The following NCS1 variants were observed in gnomAD, a reference collection of about 807,000 sequenced individuals.
The protein encoded by NCS1 is frequenin homolog.
Under a neutral mutation model 28.4 loss-of-function variants are expected in NCS1, and 6 were observed. The observed-to-expected ratio is 0.21, with a 90% CI of 0.12 to 0.42. NCS1 has a LOEUF of 0.42. NCS1 is among the 10% of genes least tolerant of loss of function. NCS1 has a pLI of 1.00. For missense variants in NCS1, 131 were observed against 241.4 expected (o/e 0.54, Z 3.03); for synonymous variants, 86 against 99.3 (o/e 0.87, Z 0.79).
In NCS1 at chr9:130,178,417, C is replaced by T. The variant is rs191807469; in HGVS notation, c.64+5690C>T. On this transcript the variant is annotated intron_variant, in intron 1 of 7. Transcript: ENST00000372398. ...CTTCCCTACATCACCCCACAGAATTCTCCCATCACCCCGTGTCAGGGGAAA... is the reference window on the plus strand; with the variant it reads ...CTTCCCTACATCACCCCACAGAATTTTCCCATCACCCCGTGTCAGGGGAAA... Among the ~76,000 whole-genome samples, 434 of 152,362 alleles carry T rather than the reference C, an allele frequency of 2.8e-3. 3 individuals carry two copies. The highest frequency in any genetic ancestry group is 9.9e-3 in the African/African-American group (411 of 41,592).
rs1420555970 is a variant in NCS1 at position 130,192,290 on chromosome 9, C to T, written c.65-8668C>T. On this transcript the variant is annotated intron_variant, in intron 1 of 7. Coordinates refer to ENST00000372398, the MANE Select transcript of NCS1 (RefSeq NM_014286.4). The surrounding 1 kb of genome is among the most constrained non-coding windows in gnomAD (Gnocchi z 4.8). ...GTTACTCTGAGCTTGGAGGCAGTGC[C>T]GCCGAGCACTCCATTTTAGAGAAGA... Among the ~76,000 whole-genome samples, 5 of 152,152 alleles carry T rather than the reference C, an allele frequency of 3.3e-5. No individual in the cohort carries two copies. The highest frequency in any genetic ancestry group is 2.1e-4 in the South Asian group (1 of 4,828).
intron 2 of NCS1, among the ~76,000 whole-genome samples, chr9:130,202,805 C>T (rs1832971247): frequency 6.6e-6 from 1 of 151,962 alleles, no homozygotes; most frequent in Non-Finnish European, 1.5e-5. Context: ...GTCTCGAGCT[C>T]CTGACCTCAA....
intron 4 of NCS1, among the ~76,000 whole-genome samples, chr9:130,222,100 G>GTGTA (rs1564714039): frequency 1.6e-5 from 1 of 62,398 alleles, no homozygotes. Context: ...ATGTGTGTGT[G>GTGTA]TATATATATA....
In NCS1 at chr9:130,215,528, G is replaced by T. The variant is rs782164322; in HGVS notation, c.90-2304G>T. Among the ~76,000 whole-genome samples, 2 of 152,288 alleles carry T rather than the reference G, an allele frequency of 1.3e-5. No individual in the cohort carries two copies. The highest frequency in any genetic ancestry group is 1.9e-4 in the East Asian group (1 of 5,182). The stretch of plus-strand genomic sequence containing the variant: ...CACGGGAGGGACGGATGCTGGGGTC[G>T]CACACTGGCCGGCAGGGCAGAGGAC... On this transcript the variant is annotated intron_variant, in intron 2 of 7. Coordinates refer to ENST00000372398, the MANE Select transcript of NCS1 (RefSeq NM_014286.4). This position sits in a 1 kb window ranked among gnomAD's most constrained non-coding sequence, Gnocchi z 4.2.
In NCS1 at chr9:130,200,835, G is replaced by A. The variant is rs1257823001; in HGVS notation, c.65-123G>A. ...AGCATTTTCTCATCCAGAGCAGGCC[G>A]TTGCCCGGGGACATGGCCGTGGGGA... On this transcript the variant is annotated intron_variant, in intron 1 of 7. Transcript: ENST00000372398. 26 of 1,475,486 alleles carry A rather than the reference G, an allele frequency of 1.8e-5. 1 individual carries two copies. Among genetic ancestry groups the A allele is most frequent in the African/African-American group, 8.3e-5 (6 of 71,936 alleles). The allele number at this position is 1,475,486 out of a possible 1,614,324, so 91.4% of individuals were successfully genotyped here. A position where few individuals can be genotyped will look rare whatever the true frequency, so the allele number is the denominator to read the frequency against.
At chr9:130,223,278 G>A (rs1588125390) in intron 6 of NCS1, 119 bp downstream of exon 6, 1 of 865,242 alleles carries the variant, frequency 1.2e-6, no homozygotes. Context: ...GCTCACGGCA[G>A]GCGGCACGGT....
chr9:130,194,340 A>G (rs2131129718), intron 1 of NCS1, among the ~76,000 whole-genome samples: 1 of 81,342 alleles, frequency 1.2e-5, no homozygotes, highest in East Asian at 2.4e-4. Flanking sequence ...CGGGGTGGAA[A>G]GGAGGCTGTG....
chr9:130,174,282 C>G (rs1554904390), intron 1 of NCS1, among the ~76,000 whole-genome samples: 1 of 152,272 alleles, frequency 6.6e-6, no homozygotes, highest in African/African-American at 2.4e-5. Context: ...CATGGTGGGA[C>G]AGGGGAGTGA....
chr9:130,205,628 G>A (rs952516325), intron 2 of NCS1, among the ~76,000 whole-genome samples: 1 of 150,758 alleles, frequency 6.6e-6, no homozygotes, highest in Non-Finnish European at 1.5e-5. Flanking sequence ...TTTGAGCCCA[G>A]GAGTTTGAGA....
chr9:130,190,463 G>C (rs782349057), intron 1 of NCS1, among the ~76,000 whole-genome samples: 4 of 152,196 alleles, frequency 2.6e-5, no homozygotes, highest in Non-Finnish European at 4.4e-5. Flanking sequence ...GAAAACCAAG[G>C]GAGGTTAACC....
rs574392939 is a variant in NCS1 at position 130,220,466 on chromosome 9, C to T, written c.307+663C>T. The stretch of plus-strand genomic sequence containing the variant: ...AGCAGGAGAGGACCTGCCTGGTAGG[C>T]GCAGAGCTGGGGATGAGAGGAGCTG... On this transcript the variant is annotated intron_variant, in intron 4 of 7. Transcript: ENST00000372398. Among the ~76,000 whole-genome samples the T allele has an allele frequency of 1.5e-4, 23 of 151,100 alleles. No individual in the cohort carries two copies. The East Asian group carries it at 2.5e-3, about 17-fold the overall frequency.
In NCS1 at chr9:130,227,156, C is replaced by G. The variant is rs144397569; in HGVS notation, c.*17+652C>G. 1.6e-3 allele frequency among the ~76,000 whole-genome samples: 238 copies of G among 152,268 alleles called. 2 individuals are homozygous for G. Among genetic ancestry groups the G allele is most frequent in the African/African-American group, 5.6e-3 (232 of 41,554 alleles). On this transcript the variant is annotated intron_variant, in intron 7 of 7. Transcript: ENST00000372398. ...ATTTCTTATCCCCTCTCTGAGCAGC[C>G]GGTTGAAGACCTAACTAAGCTCCTA...
At chr9:130,231,487 G>A (rs1226962519) in intron 7 of NCS1, among the ~76,000 whole-genome samples, 4 of 151,506 alleles carry the variant, frequency 2.6e-5, no homozygotes, top group Non-Finnish European at 5.9e-5. Context: ...GGATTCAAGC[G>A]ATTCTCCTGC....
chr9:130,197,386 C>T (rs1244141792), intron 1 of NCS1, among the ~76,000 whole-genome samples: 2 of 152,188 alleles, frequency 1.3e-5, no homozygotes, highest in Non-Finnish European at 2.9e-5. Flanking sequence ...AGAAAGATCT[C>T]GAAGGTGATC....
chr9:130,197,485 G>A (rs372390265), intron 1 of NCS1, among the ~76,000 whole-genome samples: 23 of 152,306 alleles, frequency 1.5e-4, no homozygotes, highest in African/African-American at 4.6e-4. Context: ...GGATGGGCAC[G>A]TTCCTCTGGT....
chr9:130,213,043 G>A (rs1173919257), intron 2 of NCS1, among the ~76,000 whole-genome samples: 1 of 152,174 alleles, frequency 6.6e-6, no homozygotes, highest in Non-Finnish European at 1.5e-5. Flanking sequence ...ATGATGAGCA[G>A]GAGGTTACGT....
In NCS1 at chr9:130,177,467, C is replaced by T. The variant is rs908559861; in HGVS notation, c.64+4740C>T. On this transcript the variant is annotated intron_variant, in intron 1 of 7. Transcript: ENST00000372398. The surrounding 1 kb of genome is among the most constrained non-coding windows in gnomAD (Gnocchi z 4.4). ...GGTGAGCCACAAGGAGAGGAAAGGA[C>T]CAAAGCAAGGGAGGGGCTTCGGCCG... is the stretch of plus-strand genomic sequence containing the variant. 6.6e-6 allele frequency among the ~76,000 whole-genome samples: 1 copy of T among 152,160 alleles called. No homozygotes were observed. Among genetic ancestry groups the T allele is most frequent in the Non-Finnish European group, 1.5e-5 (1 of 68,020 alleles).
intron 1 of NCS1, among the ~76,000 whole-genome samples, chr9:130,174,393 C>T (rs938138114): frequency 1.3e-5 from 2 of 152,190 alleles, no homozygotes; most frequent in Non-Finnish European, 2.9e-5. Flanking sequence ...GGTGCTGCTA[C>T]GATCTCCATT....
Position 130,226,573 on chromosome 9 carries a change from C to A in NCS1, c.*17+69C>A, listed in dbSNP as rs920014239. ...GGGGTGAAAACCCAGCAGCAGGACA[C>A]CTACGGTTGGCAGGTAATTACCTGG... is the stretch of plus-strand genomic sequence containing the variant. On this transcript the variant is annotated intron_variant, in intron 7 of 7. Transcript: ENST00000372398. This position sits in a 1 kb window ranked among gnomAD's most constrained non-coding sequence, Gnocchi z 4.8. 8.4e-7 allele frequency: 1 copy of A among 1,184,836 alleles called. No individual in the cohort carries two copies. The highest frequency in any genetic ancestry group is 1.2e-6 in the Non-Finnish European group (1 of 816,428). The allele number at this position is 1,184,836 out of a possible 1,614,324, so 73.4% of individuals were successfully genotyped here.
Sources: gnomAD v4.1 joint callset for allele counts (sites outside exome capture counted in the v4.1 genomes callset) on GRCh38, gnomAD v4.1.1 for gene constraint, Gnocchi (gnomAD v3.1) non-coding constraint, MANE v1.5 for transcripts, NCBI Gene and HGNC (gene_info 2026-07-23, HGNC 2026-07-21) for gene names.